GAS7: variants seen among roughly 807,000 people sequenced by gnomAD.
GAS7 encodes growth arrest specific 7.
In GAS7, 28 loss-of-function variants were observed where a neutral mutation model predicts 71.1. The ratio of observed to expected loss-of-function variants is 0.39; its 90% CI spans 0.29 to 0.54. The LOEUF is 0.54. GAS7 is among the 20% of genes least tolerant of loss of function. The probability of loss-of-function intolerance (pLI) is 0.62; values close to 1 mark genes in which losing one functional copy is unlikely to be tolerated. For missense variants in GAS7, 436 were observed against 627.8 expected (o/e 0.69, Z 3.27); for synonymous variants, 258 against 245.8 (o/e 1.05, Z -0.46).
Position 10,129,765 on chromosome 17 carries a change from A to G in GAS7, c.183+68443T>C, listed in dbSNP as rs116469970. On this transcript the variant is annotated intron_variant, in intron 1 of 13. Coordinates refer to ENST00000432992, the MANE Select transcript of GAS7 (RefSeq NM_201433.2). ...AAATTTTGCAAACCACGTATCTGAT[A>G]AGGGACTTTTATCTAGAATATATAA... 8.0e-3 allele frequency among the ~76,000 whole-genome samples: 1,226 copies of G among 152,370 alleles called. 12 individuals carry two copies. The highest frequency in any genetic ancestry group is 0.028 in the African/African-American group (1,158 of 41,586).
intron 5 of GAS7, among the ~76,000 whole-genome samples, chr17:9,948,917 C>T (rs899564433): frequency 1.3e-5 from 2 of 152,156 alleles, no homozygotes; most frequent in Admixed American, 6.6e-5. Context: ...AGTCTTTAAC[C>T]CCTTCTTGCA....
At chr17:10,052,520 T>C (rs546789681) in intron 1 of GAS7, among the ~76,000 whole-genome samples, 3 of 152,328 alleles carry the variant, frequency 2.0e-5, no homozygotes, top group South Asian at 4.1e-4. Flanking sequence ...CCTAGAAGGA[T>C]GCCAACTGAG....
intron 2 of GAS7, among the ~76,000 whole-genome samples, chr17:9,982,178 C>G (rs2070435777): frequency 6.6e-6 from 1 of 152,120 alleles, no homozygotes; most frequent in African/African-American, 2.4e-5. Flanking sequence ...ATGTCAAGAT[C>G]CTCTAAAATA....
At position 10,133,116 on chromosome 17, in the gene GAS7, T is replaced by TATATA. The variant is rs1319814933; in HGVS notation, c.183+65091_183+65092insTATAT. ...CAAATTTTATAATTAGATTATATAT[T>TATATA]TTTATATTTTTTTTTTTTCTTTTTT... On this transcript the variant is annotated intron_variant, in intron 1 of 13. Coordinates refer to ENST00000432992, the MANE Select transcript of GAS7 (RefSeq NM_201433.2). 7.6e-3 allele frequency among the ~76,000 whole-genome samples: 1,093 copies of TATATA among 144,344 alleles called. 21 individuals are homozygous for TATATA. The highest frequency in any genetic ancestry group is 0.042 in the East Asian group (210 of 5,004). The allele number at this position is 144,344 out of a possible 152,430, so 94.7% of individuals were successfully genotyped here. A position where few individuals can be genotyped will look rare whatever the true frequency, so the allele number is the denominator to read the frequency against.
chr17:10,192,285 AG>A (rs2074508446), intron 1 of GAS7, among the ~76,000 whole-genome samples: 1 of 152,234 alleles, frequency 6.6e-6, no homozygotes, highest in South Asian at 2.1e-4. Context: ...TTAAGTACAG[AG>A]GAATCCCTCC....
intron 9 of GAS7, among the ~76,000 whole-genome samples, chr17:9,931,553 C>T (rs2152079997): frequency 6.6e-6 from 1 of 152,310 alleles, no homozygotes; most frequent in Admixed American, 6.5e-5. Context: ...TGCTGGGGGC[C>T]CCGACAGGGG....
intron 9 of GAS7, among the ~76,000 whole-genome samples, chr17:9,933,345 T>C (rs1433776234): frequency 6.6e-6 from 1 of 152,114 alleles, no homozygotes; most frequent in South Asian, 2.1e-4. Flanking sequence ...CTCCATCCCT[T>C]TGAAAGCCAG....
chr17:9,931,590 T>A (rs888352711), intron 9 of GAS7, among the ~76,000 whole-genome samples: 13 of 152,218 alleles, frequency 8.5e-5, no homozygotes, highest in Admixed American at 7.9e-4. Context: ...GGAAAGCTAC[T>A]CATGATCTGC....
At chr17:10,024,212 C>T (rs2072381173) in intron 1 of GAS7, among the ~76,000 whole-genome samples, 1 of 152,206 alleles carries the variant, frequency 6.6e-6, no homozygotes, top group Non-Finnish European at 1.5e-5. Flanking sequence ...CAAGTCTTCA[C>T]TTAAGGGCCA....
chr17:10,091,766 C>T (rs183735457), intron 1 of GAS7, among the ~76,000 whole-genome samples: 45 of 152,202 alleles, frequency 3.0e-4, no homozygotes, highest in East Asian at 5.8e-4. Context: ...ACTGCAGCCG[C>T]GACCTCCTGG....
rs551337793 is a variant in GAS7, at chr17:10,143,997, C to G, written c.183+54211G>C. Among the ~76,000 whole-genome samples, 14 of 152,344 alleles carry G rather than the reference C, an allele frequency of 9.2e-5. 1 individual carries two copies. Among genetic ancestry groups the G allele is most frequent in the Admixed American group, 9.1e-4 (14 of 15,304 alleles). ...CCCCACCTAGCCCAGAGCCTCAAAGCTGTTGGCAGGAAGAGCTAAGAATAC... is the reference window on the plus strand; with the variant it reads ...CCCCACCTAGCCCAGAGCCTCAAAGGTGTTGGCAGGAAGAGCTAAGAATAC... On this transcript the variant is annotated intron_variant, in intron 1 of 13. Transcript: ENST00000432992.
At chr17:10,183,112 C>T (rs960699813) in intron 1 of GAS7, among the ~76,000 whole-genome samples, 13 of 151,814 alleles carry the variant, frequency 8.6e-5, no homozygotes, top group Admixed American at 5.3e-4. Flanking sequence ...GTAGGACCTA[C>T]GCCCCGAAAA....
chr17:10,128,022 C>T (rs2073964057), intron 1 of GAS7, among the ~76,000 whole-genome samples: 1 of 152,190 alleles, frequency 6.6e-6, no homozygotes, highest in Admixed American at 6.5e-5. Context: ...GGGGAGGCAG[C>T]ACCGGCGAGG....
At chr17:9,979,147 G>C (rs2070317071) in intron 3 of GAS7, among the ~76,000 whole-genome samples, 1 of 152,226 alleles carries the variant, frequency 6.6e-6, no homozygotes, top group Admixed American at 6.5e-5. Flanking sequence ...AACGAACTGA[G>C]TTAAATAGGT....
intron 9 of GAS7, among the ~76,000 whole-genome samples, 199 bp downstream of exon 9, chr17:9,933,967 C>A (rs893202453): frequency 6.6e-6 from 1 of 152,212 alleles, no homozygotes; most frequent in African/African-American, 2.4e-5. Flanking sequence ...GCTACTGTGT[C>A]TATACAAAAA....
At chr17:10,027,609 A>G (rs1306575916) in intron 1 of GAS7, among the ~76,000 whole-genome samples, 1 of 152,234 alleles carries the variant, frequency 6.6e-6, no homozygotes, top group African/African-American at 2.4e-5. Flanking sequence ...ATGTGAGGAC[A>G]CGCTATTCCT....
intron 2 of GAS7, among the ~76,000 whole-genome samples, chr17:9,991,693 C>T (rs900123761): frequency 2.6e-5 from 4 of 152,058 alleles, no homozygotes; most frequent in African/African-American, 7.2e-5. Context: ...AGCGTAGACC[C>T]GTGCAAACAC....
chr17:10,126,615 GACACACTC>G (rs2073953187), intron 1 of GAS7, among the ~76,000 whole-genome samples: 1 of 151,448 alleles, frequency 6.6e-6, no homozygotes, highest in East Asian at 1.9e-4. Context: ...CACACATGCA[GACACACTC>G]ACACACTCGC....
At chr17:10,109,098 T>C (rs1465618185) in intron 1 of GAS7, among the ~76,000 whole-genome samples, 3 of 151,734 alleles carry the variant, frequency 2.0e-5, no homozygotes, top group Admixed American at 2.0e-4. Context: ...AGCCAGAATA[T>C]ACAAGGAACT....
Sources: gnomAD v4.1 joint callset for allele counts (sites outside exome capture counted in the v4.1 genomes callset) on GRCh38, gnomAD v4.1.1 for gene constraint, MANE v1.5 for transcripts, NCBI Gene and HGNC (gene_info 2026-07-23, HGNC 2026-07-21) for gene names.